TIAM1: variants seen among roughly 807,000 people sequenced by gnomAD.
TIAM1 encodes rho guanine nucleotide exchange factor TIAM1.
Under a neutral mutation model 163.5 loss-of-function variants are expected in TIAM1, and 65 were observed. That is an observed-to-expected ratio of 0.40 (90% CI 0.33 to 0.49). The LOEUF (loss-of-function observed/expected upper bound fraction) is 0.49. Ranked by LOEUF, TIAM1 falls within the 20% of genes least tolerant of loss-of-function variation. The probability of loss-of-function intolerance (pLI) is 0.77; values close to 1 mark genes in which losing one functional copy is unlikely to be tolerated. For synonymous variants in TIAM1, 833 were observed against 810.1 expected, an observed-to-expected ratio of 1.03 and a Z score of -0.48; for missense variants, 1,789 against 2,044.7, an observed-to-expected ratio of 0.87 and a Z score of 2.41.
chr21:31,454,418 T>C (rs1462076394), intron 2 of TIAM1, among the ~76,000 whole-genome samples: 2 of 152,206 alleles, frequency 1.3e-5, no homozygotes, highest in African/African-American at 2.4e-5. Flanking sequence ...TTCTTATATA[T>C]GTAAAAAACA....
At chr21:31,332,137 T>C (rs1251010919) in intron 2 of TIAM1, among the ~76,000 whole-genome samples, 1 of 152,074 alleles carries the variant, frequency 6.6e-6, no homozygotes, top group Admixed American at 6.6e-5. Context: ...TGAAACCCCC[T>C]ACTCCTGGAG....
chr21:31,167,733 C>T (rs922775289), intron 15 of TIAM1, among the ~76,000 whole-genome samples: 3 of 152,116 alleles, frequency 2.0e-5, no homozygotes, highest in African/African-American at 7.2e-5. Flanking sequence ...CTCCTGAGCA[C>T]CAAACGATTA....
intron 2 of TIAM1, among the ~76,000 whole-genome samples, chr21:31,390,830 C>T (rs7280881): frequency 0.1 from 15,653 of 152,180 alleles, 868 homozygotes; most frequent in Middle Eastern, 0.13. Context: ...TAATACATTC[C>T]AAATGGAGGC....
At position 31,202,953 on chromosome 21, in the gene TIAM1, T is replaced by C. The variant is rs1010158379; in HGVS notation, c.2448A>G (p.Lys816=). The C allele has an allele frequency of 6.2e-7, 1 of 1,614,178 alleles. No individual in the cohort carries two copies. The highest frequency in any genetic ancestry group is 1.6e-4 in the Middle Eastern group (1 of 6,062). Residue 816 remains lysine, a synonymous_variant, in exon 12 of 28, where the codon AAA becomes AAG. Coordinates refer to ENST00000541036, the MANE Select transcript of TIAM1 (RefSeq NM_001353694.2). The part of the protein sequence containing the change: ...YLRLKFLIEN[K]MQLYVPQPEE... ...CGGGCTGTGGAACATAGAGCTGCAT[T>C]TTGTTTTCTATTAGAAATTTCAGGC...
At chr21:31,397,474 C>T (rs774263791) in intron 2 of TIAM1, among the ~76,000 whole-genome samples, 14 of 152,108 alleles carry the variant, frequency 9.2e-5, no homozygotes, top group Non-Finnish European at 1.8e-4. Flanking sequence ...AACCAATATA[C>T]AAAAATCTTG....
chr21:31,465,057 G>T (rs2045474424), intron 1 of TIAM1, among the ~76,000 whole-genome samples: 1 of 151,548 alleles, frequency 6.6e-6, no homozygotes, highest in Non-Finnish European at 1.5e-5. Context: ...TATCAGCCTG[G>T]TGCAGTGGTA....
chr21:31,259,629 A>AAAT (rs61401734), intron 4 of TIAM1, among the ~76,000 whole-genome samples: 5,587 of 146,200 alleles, frequency 0.038, 147 homozygotes, highest in African/African-American at 0.063. Flanking sequence ...TAAAAAAATA[A>AAAT]AATAATAATA....
intron 15 of TIAM1, among the ~76,000 whole-genome samples, chr21:31,178,558 G>T (rs1434447183): frequency 6.6e-6 from 1 of 151,814 alleles, no homozygotes. Flanking sequence ...TGCCTGCCTC[G>T]GCCTCCCGAA....
chr21:31,199,577 C>T (rs908878613), intron 12 of TIAM1, among the ~76,000 whole-genome samples: 8 of 150,888 alleles, frequency 5.3e-5, no homozygotes, highest in African/African-American at 2.0e-4. Flanking sequence ...GCCACCCAGG[C>T]TGGAGTGCAG....
At chr21:31,369,231 A>AAAAAAAAAAAAAAG (rs1314209679) in intron 2 of TIAM1, among the ~76,000 whole-genome samples, 2 of 150,164 alleles carry the variant, frequency 1.3e-5, no homozygotes, top group African/African-American at 5.0e-5. Flanking sequence ...ATCTCAAAAA[A>AAAAAAAAAAAAAAG]AAAGAAAGAA....
At chr21:31,528,929 C>CT (rs1174827518) in intron 1 of TIAM1, among the ~76,000 whole-genome samples, 274 of 136,576 alleles carry the variant, frequency 2.0e-3, no homozygotes, top group East Asian at 3.4e-3. Flanking sequence ...TCTTTTTATT[C>CT]TTTTTTTTTT....
chr21:31,298,609 T>C (rs896053434), intron 2 of TIAM1, among the ~76,000 whole-genome samples: 3 of 152,076 alleles, frequency 2.0e-5, no homozygotes, highest in Non-Finnish European at 4.4e-5. Context: ...TCTAAAACTT[T>C]CCATCAACCA....
chr21:31,437,649 T>C (rs1405745147), intron 2 of TIAM1, among the ~76,000 whole-genome samples: 2 of 152,166 alleles, frequency 1.3e-5, no homozygotes, highest in Admixed American at 6.5e-5. Flanking sequence ...TCCCCCTTGT[T>C]GTTCTCATGA....
intron 2 of TIAM1, among the ~76,000 whole-genome samples, chr21:31,306,563 G>A (rs982117098): frequency 1.3e-5 from 2 of 152,158 alleles, no homozygotes; most frequent in Admixed American, 6.5e-5. Flanking sequence ...GCCAACTTCG[G>A]GAGCACTCAG....
At chr21:31,519,632 C>CAAAGTTAA (rs2047511343) in intron 1 of TIAM1, among the ~76,000 whole-genome samples, 1 of 151,972 alleles carries the variant, frequency 6.6e-6, no homozygotes, top group African/African-American at 2.4e-5. Context: ...TTAACAACAG[C>CAAAGTTAA]CAAAAGATAG....
chr21:31,130,116 G>A lies in TIAM1; in HGVS notation c.4045+97C>T, dbSNP rs1354968629. The A allele has an allele frequency of 5.2e-5, 48 of 914,566 alleles. No individual in the cohort carries two copies. The East Asian group carries it at 1.1e-3, about 21-fold the overall frequency. The allele number at this position is 914,566 out of a possible 1,614,324, so 56.7% of individuals were successfully genotyped here. ...ATAGGGAAAAAAAAAAAAAAAAGAC[G>A]GTAGAAGAGTTAGACCAAGAGTGTG... On this transcript the variant is annotated intron_variant, in intron 25 of 27. Transcript: ENST00000541036.
At chr21:31,309,874 G>A (rs536314823) in intron 2 of TIAM1, among the ~76,000 whole-genome samples, 31 of 152,280 alleles carry the variant, frequency 2.0e-4, no homozygotes, top group African/African-American at 6.5e-4. Flanking sequence ...AAAGTCTCCA[G>A]CATTTTAAAA....
At chr21:31,321,267 G>A (rs1318443713) in intron 2 of TIAM1, among the ~76,000 whole-genome samples, 5 of 152,152 alleles carry the variant, frequency 3.3e-5, no homozygotes, top group Non-Finnish European at 5.9e-5. Flanking sequence ...CTCGGACTCA[G>A]GCTCCTCCAC....
At chr21:31,139,585 G>C (rs1349720192) in intron 22 of TIAM1, among the ~76,000 whole-genome samples, 1 of 151,952 alleles carries the variant, frequency 6.6e-6, no homozygotes, top group African/African-American at 2.4e-5. Flanking sequence ...GCCTTTTTCT[G>C]TATTTTGCCC....
Sources: allele counts gnomAD v4.1 joint callset (sites outside exome capture counted in the v4.1 genomes callset), GRCh38; gene constraint gnomAD v4.1.1; transcripts MANE v1.5; gene names NCBI Gene and HGNC (gene_info 2026-07-23, HGNC 2026-07-21).